MAP3K4: variants seen among roughly 807,000 people sequenced by gnomAD.
MAP3K4 encodes the protein MAP three kinase 1.
In MAP3K4, 67 loss-of-function variants were observed where a neutral mutation model predicts 185.6. The ratio of observed to expected loss-of-function variants is 0.36; its 90% CI spans 0.30 to 0.44. The LOEUF (loss-of-function observed/expected upper bound fraction) is 0.44, where lower values mean the gene tolerates loss of function less well. Among genes scored for constraint, MAP3K4 ranks in the 20% least tolerant of loss-of-function variants. The pLI is 1.00. For synonymous variants in MAP3K4, 702 were observed against 710.4 expected (o/e 0.99, Z 0.19); for missense variants, 1,551 against 1,995.1 (o/e 0.78, Z 4.24).
In MAP3K4 at chr6:161,091,679, A is replaced by G. The variant is rs1222965806; in HGVS notation, c.3135+139A>G. ...GAATATCATCTTATATCACTGCTGTATATCAGAGATGTTAGTTTACTTTTA... is the reference window on the plus strand; with the variant it reads ...GAATATCATCTTATATCACTGCTGTGTATCAGAGATGTTAGTTTACTTTTA... On this transcript the variant is annotated intron_variant, in intron 12 of 26. Coordinates refer to ENST00000392142, the MANE Select transcript of MAP3K4 (RefSeq NM_005922.4). The surrounding 1 kb of genome is among the most constrained non-coding windows in gnomAD (Gnocchi z 5.5). 1.3e-6 allele frequency: 1 copy of G among 754,840 alleles called. No individual in the cohort carries two copies. Among genetic ancestry groups the G allele is most frequent in the Non-Finnish European group, 2.1e-6 (1 of 468,120 alleles). The allele number at this position is 754,840 out of a possible 1,614,324, so 46.8% of individuals were successfully genotyped here.
In MAP3K4 at chr6:161,101,618, T is replaced by G. The variant is rs774454784; in HGVS notation, c.3675-274T>G. 2 of 267,780 alleles carry G rather than the reference T, an allele frequency of 7.5e-6. No homozygotes were observed. The highest frequency in any genetic ancestry group is 4.4e-5 in the African/African-American group (2 of 45,562). 16.6% of individuals were successfully genotyped at this position (267,780 alleles called of 1,614,324 possible). ...TGAAAATGGAGCCCTCCTTCCAGAC[T>G]CTAGAGCTCTAACAGACTCCAGAGG... On this transcript the variant is annotated intron_variant, in intron 17 of 26. Coordinates refer to ENST00000392142, the MANE Select transcript of MAP3K4 (RefSeq NM_005922.4). This position sits in a 1 kb window ranked among gnomAD's most constrained non-coding sequence, Gnocchi z 5.1.
rs995350324 is a variant in MAP3K4, at chr6:161,093,240, T to C, written c.3348+184T>C. On this transcript the variant is annotated intron_variant, in intron 14 of 26. Coordinates refer to ENST00000392142, the MANE Select transcript of MAP3K4 (RefSeq NM_005922.4). This position sits in a 1 kb window ranked among gnomAD's most constrained non-coding sequence, Gnocchi z 5.2. ...AGCAGAGTAAGATTTTTTTTCTTTTTGTAACATTAGTGTTCAACTAAGTCA... is the reference window on the plus strand; with the variant it reads ...AGCAGAGTAAGATTTTTTTTCTTTTCGTAACATTAGTGTTCAACTAAGTCA... 3.3e-5 allele frequency among the ~76,000 whole-genome samples: 5 copies of C among 152,320 alleles called. No homozygotes were observed. The highest frequency in any genetic ancestry group is 7.2e-5 in the African/African-American group (3 of 41,580).
In MAP3K4 at chr6:161,114,352, T is replaced by G. The variant is rs1159613490; in HGVS notation, c.4627-771T>G. ...ATTATAGCAAAAAAGTTAGAAACCTTCATTTCTAAGTTAAAAGTTAGTGTT... is the reference window on the plus strand; with the variant it reads ...ATTATAGCAAAAAAGTTAGAAACCTGCATTTCTAAGTTAAAAGTTAGTGTT... On this transcript the variant is annotated intron_variant, in intron 25 of 26. Transcript: ENST00000392142. The surrounding 1 kb of genome is among the most constrained non-coding windows in gnomAD (Gnocchi z 4.3). 6.6e-6 allele frequency among the ~76,000 whole-genome samples: 1 copy of G among 152,236 alleles called. No individual in the cohort carries two copies. Among genetic ancestry groups the G allele is most frequent in the Non-Finnish European group, 1.5e-5 (1 of 68,038 alleles).
intron 1 of MAP3K4, among the ~76,000 whole-genome samples, chr6:161,003,343 C>T (rs533343667): frequency 6.6e-6 from 1 of 152,328 alleles, no homozygotes; most frequent in South Asian, 2.1e-4. Flanking sequence ...GAAAATAAAA[C>T]ATTAATAACA....
At chr6:161,039,616 T>C (rs1474892947) in intron 2 of MAP3K4, among the ~76,000 whole-genome samples, 1 of 152,216 alleles carries the variant, frequency 6.6e-6, no homozygotes, top group East Asian at 1.9e-4. Context: ...GCTAATTTCC[T>C]GCAAATCATT....
intron 1 of MAP3K4, among the ~76,000 whole-genome samples, chr6:161,030,119 A>G (rs1782857168): frequency 6.6e-6 from 1 of 152,098 alleles, no homozygotes; most frequent in Non-Finnish European, 1.5e-5. Context: ...GCCCTTCTTC[A>G]GAGATTTGTT....
Position 161,034,943 on chromosome 6 carries a change from C to G in MAP3K4, c.343+494C>G, listed in dbSNP as rs1370028545. ...TTTTTCATACTAAGCACAGTGACCCCACACCTAACAACCATGACAGAACCT... is the reference window on the plus strand; with the variant it reads ...TTTTTCATACTAAGCACAGTGACCCGACACCTAACAACCATGACAGAACCT... On this transcript the variant is annotated intron_variant, in intron 2 of 26. Transcript: ENST00000392142. This position sits in a 1 kb window ranked among gnomAD's most constrained non-coding sequence, Gnocchi z 4.4. Among the ~76,000 whole-genome samples, 1 of 152,110 alleles carries G rather than the reference C, an allele frequency of 6.6e-6. No individual in the cohort carries two copies. Among genetic ancestry groups the G allele is most frequent in the Non-Finnish European group, 1.5e-5 (1 of 68,032 alleles).
intron 5 of MAP3K4, among the ~76,000 whole-genome samples, chr6:161,079,992 T>C (rs1408374503): frequency 6.6e-6 from 1 of 152,134 alleles, no homozygotes; most frequent in African/African-American, 2.4e-5. Context: ...CCTGTAAACA[T>C]CTGAGTGTGG....
intron 2 of MAP3K4, among the ~76,000 whole-genome samples, chr6:161,038,317 G>T (rs1359240747): frequency 2.6e-5 from 4 of 152,214 alleles, no homozygotes; most frequent in Non-Finnish European, 4.4e-5. Flanking sequence ...TGACATTTGT[G>T]CTGTGACCTC....
chr6:161,033,876 G>A (rs960692452), intron 1 of MAP3K4, among the ~76,000 whole-genome samples: 1 of 152,206 alleles, frequency 6.6e-6, no homozygotes, highest in Non-Finnish European at 1.5e-5. Flanking sequence ...TCAGCAGCTA[G>A]CACATAAGTA....
At position 161,108,666 on chromosome 6, in the gene MAP3K4, A is replaced by G. The variant is rs2114913680; in HGVS notation, c.4120-77A>G. ...ATTACATATATTTATGGGGTGCAAA[A>G]TGATGTTTCAGTGTATGTGTATAAT... On this transcript the variant is annotated intron_variant, in intron 21 of 26. Transcript: ENST00000392142. The surrounding 1 kb of genome is among the most constrained non-coding windows in gnomAD (Gnocchi z 5.7). 1.2e-6 allele frequency: 1 copy of G among 816,756 alleles called. No homozygotes were observed. The highest frequency in any genetic ancestry group is 2.4e-5 in the East Asian group (1 of 40,984). 50.6% of individuals were successfully genotyped at this position (816,756 alleles called of 1,614,324 possible).
At position 160,992,044 on chromosome 6, in the gene MAP3K4, C is replaced by G; in HGVS notation, c.113C>G (p.Pro38Arg). The G allele has an allele frequency of 6.3e-7, 1 of 1,579,964 alleles. No homozygotes were observed. The highest frequency in any genetic ancestry group is 1.7e-5 in the Admixed American group (1 of 57,766). The change falls in exon 1 of 27, where the codon CCC (proline) becomes CGC (arginine). Residue 38 changes from proline (P) to arginine (R), a missense_variant. By Grantham distance (103) the Pro-to-Arg change is moderately radical (BLOSUM62 -2). Around this residue, in one of 16 missense-constraint regions of MAP3K4, gnomAD observed 287 missense variants for 268.8 expected, o/e 1.07. Transcript: ENST00000392142. ...CCGCCGCCACCACCGCCACCGGAAC[C>G]CGAGACCGAGTCAGAACCCGAGTGC... Reference protein sequence around the residue: ...PPPPPPPPPEPETESEPECCL... With the variant: ...PPPPPPPPPERETESEPECCL...
chr6:161,080,475 C>G lies in MAP3K4; in HGVS notation c.2098-406C>G, dbSNP rs1008099199. Among the ~76,000 whole-genome samples, 1 of 152,174 alleles carries G rather than the reference C, an allele frequency of 6.6e-6. No homozygotes were observed. On this transcript the variant is annotated intron_variant, in intron 5 of 26. Transcript: ENST00000392142. This position sits in a 1 kb window ranked among gnomAD's most constrained non-coding sequence, Gnocchi z 4.8. ...CGAAGAAGGGTGTTGACGTCCTCCT[C>G]TCTGCACATAAGGCACCATTTCAAG...
rs1030426757 is a variant in MAP3K4 at position 161,091,110 on chromosome 6, T to C, written c.2974-269T>C. Among the ~76,000 whole-genome samples the C allele has an allele frequency of 6.6e-6, 1 of 152,228 alleles. No individual in the cohort carries two copies. Among genetic ancestry groups the C allele is most frequent in the Non-Finnish European group, 1.5e-5 (1 of 68,044 alleles). ...GGAGGAGAAAACAACAGGTGGTTGA[T>C]GTATAAAAATATTGAAGATAAAAGC... On this transcript the variant is annotated intron_variant, in intron 11 of 26. Coordinates refer to ENST00000392142, the MANE Select transcript of MAP3K4 (RefSeq NM_005922.4). This position sits in a 1 kb window ranked among gnomAD's most constrained non-coding sequence, Gnocchi z 5.5.
intron 3 of MAP3K4, 79 bp downstream of exon 3, chr6:161,050,058 T>A: frequency 7.3e-7 from 1 of 1,361,512 alleles, no homozygotes; most frequent in Non-Finnish European, 1.0e-6. Context: ...TGGTGTTATG[T>A]ACTTTCATAT....
At position 161,112,650 on chromosome 6, in the gene MAP3K4, T is replaced by TATC. The variant is rs1358844490; in HGVS notation, c.4520-17_4520-15dup. 2.0e-6 allele frequency: 3 copies of TATC among 1,523,304 alleles called. No individual in the cohort carries two copies. The East Asian group carries it at 6.9e-5, about 35-fold the overall frequency. 94.4% of individuals were successfully genotyped at this position (1,523,304 alleles called of 1,614,324 possible). Reference sequence around the variant, plus strand: ...TGTTTATAACCCATTACTCTCAACATATCTGTGACTTTTAAAGCATACATG... The same window carrying TATC: ...TGTTTATAACCCATTACTCTCAACATATCATCTGTGACTTTTAAAGCATACATG... On this transcript the variant is annotated splice_polypyrimidine_tract_variant and intron_variant, in intron 24 of 26. Coordinates refer to ENST00000392142, the MANE Select transcript of MAP3K4 (RefSeq NM_005922.4). This position sits in a 1 kb window ranked among gnomAD's most constrained non-coding sequence, Gnocchi z 5.1.
At chr6:161,081,108 C>CTT (rs758071887) in intron 6 of MAP3K4, 70 bp downstream of exon 6, 217 of 1,501,506 alleles carry the variant, frequency 1.4e-4, no homozygotes, top group Non-Finnish European at 1.9e-4. Context: ...CTCACTGATT[C>CTT]TCTCCTATGT....
chr6:161,108,097 C>A lies in MAP3K4; in HGVS notation c.4119+128C>A. ...TCTTCAGCACCAGCACTGCGACAGT[C>A]AGGACCAACCAGGCAGATGCACTGA... On this transcript the variant is annotated intron_variant, in intron 21 of 26. Coordinates refer to ENST00000392142, the MANE Select transcript of MAP3K4 (RefSeq NM_005922.4). The surrounding 1 kb of genome is among the most constrained non-coding windows in gnomAD (Gnocchi z 5.7). 1.4e-6 allele frequency: 1 copy of A among 703,392 alleles called. No individual in the cohort carries two copies. The highest frequency in any genetic ancestry group is 1.8e-5 in the South Asian group (1 of 55,504). The allele number at this position is 703,392 out of a possible 1,614,324, so 43.6% of individuals were successfully genotyped here. A position where few individuals can be genotyped will look rare whatever the true frequency, so the allele number is the denominator to read the frequency against.
chr6:161,087,634 C>T lies in MAP3K4; in HGVS notation c.2557-54C>T. ...CCTTTCCTAGGTTTGTTTTAAATAACCTATTTCTCTAATGTACAGTGTTCC... is the reference window on the plus strand; with the variant it reads ...CCTTTCCTAGGTTTGTTTTAAATAATCTATTTCTCTAATGTACAGTGTTCC... On this transcript the variant is annotated intron_variant, in intron 9 of 26. Coordinates refer to ENST00000392142, the MANE Select transcript of MAP3K4 (RefSeq NM_005922.4). The surrounding 1 kb of genome is among the most constrained non-coding windows in gnomAD (Gnocchi z 4.9). 2 of 1,582,918 alleles carry T rather than the reference C, an allele frequency of 1.3e-6. No individual in the cohort carries two copies. Among genetic ancestry groups the T allele is most frequent in the Non-Finnish European group, 1.7e-6 (2 of 1,160,218 alleles).
Sources: allele counts gnomAD v4.1 joint callset (sites outside exome capture counted in the v4.1 genomes callset), GRCh38; gene constraint gnomAD v4.1.1; regional missense constraint gnomAD v4.1.1; non-coding constraint Gnocchi (gnomAD v3.1); transcripts MANE v1.5; gene names NCBI Gene and HGNC (gene_info 2026-07-23, HGNC 2026-07-21).